The following BRAP variants were observed in gnomAD, a reference collection of about 807,000 sequenced individuals.
The protein encoded by BRAP is BRCA1 associated protein.
Under a neutral mutation model 73.4 loss-of-function variants are expected in BRAP, and 42 were observed. That is an observed-to-expected ratio of 0.57 (90% confidence interval 0.45 to 0.74). BRAP has a LOEUF of 0.74. BRAP is among the 30% of genes least tolerant of loss of function. The pLI is 0.00. For synonymous variants in BRAP, 255 were observed against 267.4 expected, an observed-to-expected ratio of 0.95 and a Z score of 0.45; for missense variants, 593 against 751.4, an observed-to-expected ratio of 0.79 and a Z score of 2.46.
chr12:111,657,818 G>A (rs1449587760), intron 9 of BRAP, among the ~76,000 whole-genome samples: 2 of 152,044 alleles, frequency 1.3e-5, no homozygotes, highest in African/African-American at 2.4e-5. Context: ...GGCAGAGGTT[G>A]CAGTGAGCCA....
rs74847538 is a variant in BRAP at position 111,677,625 on chromosome 12, C to T, written c.633+1526G>A. On this transcript the variant is annotated intron_variant, in intron 4 of 11. Transcript: ENST00000419234. Reference sequence around the variant, plus strand: ...GAGTGATACAGAAGCCATCGATAAACGTTGGATATTATCATCATTATCCTT... The same window carrying T: ...GAGTGATACAGAAGCCATCGATAAATGTTGGATATTATCATCATTATCCTT... Among the ~76,000 whole-genome samples, 968 of 152,232 alleles carry T rather than the reference C, an allele frequency of 6.4e-3. 4 individuals are homozygous for T. The highest frequency in any genetic ancestry group is 8.4e-3 in the Non-Finnish European group (574 of 68,012).
chr12:111,659,143 G>A, intron 8 of BRAP, 64 bp downstream of exon 8: 1 of 1,545,520 alleles, frequency 6.5e-7, no homozygotes, highest in East Asian at 2.3e-5. Flanking sequence ...GGAAAGTGAA[G>A]GCGTTGTGAA....
chr12:111,648,384 C>T (rs1192624376), intron 11 of BRAP, among the ~76,000 whole-genome samples: 1 of 126,416 alleles, frequency 7.9e-6, no homozygotes, highest in African/African-American at 3.0e-5. Flanking sequence ...GAGGCCAAAG[C>T]GGGTGGATCA....
intron 10 of BRAP, among the ~76,000 whole-genome samples, chr12:111,651,476 G>A (rs1329253648): frequency 6.6e-6 from 1 of 151,648 alleles, no homozygotes; most frequent in African/African-American, 2.4e-5. Flanking sequence ...GGTGGAGATT[G>A]CAGTGAGCCA....
intron 8 of BRAP, 34 bp downstream of exon 8, chr12:111,659,173 A>G (rs2135906261): frequency 1.9e-6 from 3 of 1,601,968 alleles, no homozygotes; most frequent in East Asian, 2.2e-5. Context: ...TCCACACAGA[A>G]TGAGTCCAAA....
chr12:111,675,258 C>T (rs1887336462), intron 4 of BRAP, among the ~76,000 whole-genome samples: 1 of 150,994 alleles, frequency 6.6e-6, no homozygotes, highest in Non-Finnish European at 1.5e-5. Flanking sequence ...GAGACCTTGT[C>T]TCCAAAAAAA....
intron 4 of BRAP, among the ~76,000 whole-genome samples, chr12:111,675,639 A>C (rs141012133): frequency 6.6e-6 from 1 of 151,804 alleles, no homozygotes; most frequent in African/African-American, 2.4e-5. Flanking sequence ...TTTTATTGAA[A>C]ATGTTTGCAT....
At chr12:111,657,543 TTAAGG>T (rs1237648727) in intron 9 of BRAP, among the ~76,000 whole-genome samples, 1 of 152,168 alleles carries the variant, frequency 6.6e-6, no homozygotes, top group Non-Finnish European at 1.5e-5. Flanking sequence ...CCTCCTAAGG[TTAAGG>T]TATGTTTCTA....
At chr12:111,683,050 T>C (rs1887664221) in intron 2 of BRAP, 96 bp downstream of exon 2, 34 of 1,356,176 alleles carry the variant, frequency 2.5e-5, no homozygotes, top group Non-Finnish European at 3.5e-5. Context: ...AAAAGTATGC[T>C]AGATGTTGAA....
rs1006600003 is a variant in BRAP at position 111,643,586 on chromosome 12, C to A, written c.*613G>T. On this transcript the variant is annotated 3_prime_UTR_variant, in exon 12 of 12. Coordinates refer to ENST00000419234, the MANE Select transcript of BRAP (RefSeq NM_006768.5). ...GGTTGTTTGTTTTTCCTGGCTGGCC[C>A]CAGAGCAAGAAGAGATGACTGCTGG... The A allele has an allele frequency of 1.3e-5, 2 of 152,166 alleles. No homozygotes were observed. Among genetic ancestry groups the A allele is most frequent in the African/African-American group, 4.8e-5 (2 of 41,414 alleles). 9.4% of individuals were successfully genotyped at this position (152,166 alleles called of 1,614,324 possible). A position where few individuals can be genotyped will look rare whatever the true frequency, so the allele number is the denominator to read the frequency against.
In BRAP at chr12:111,679,228, C is replaced by T; in HGVS notation, c.556G>A (p.Glu186Lys). 3.1e-6 allele frequency: 5 copies of T among 1,610,210 alleles called. No homozygotes were observed. Among genetic ancestry groups the T allele is most frequent in the Non-Finnish European group, 4.2e-6 (5 of 1,177,776 alleles). The change falls in exon 4 of 12, where the codon GAA becomes AAA. Residue 186 changes from glutamate to lysine, a missense_variant. Glu to Lys is a moderately conservative substitution (Grantham distance 56). Around this residue, in one of 4 missense-constraint regions of BRAP, gnomAD observed 304 missense variants for 337.7 expected, o/e 0.90. Coordinates refer to ENST00000419234, the MANE Select transcript of BRAP (RefSeq NM_006768.5). ...DLMKFVAPFN[E>K]VIEQMKIIRD... is the part of the protein sequence containing the mutation. ...ATAATTTTCATTTGTTCAATTACTT[C>T]GTTAAATGGGGCAACAAACTTCATA...
chr12:111,675,125 G>A (rs887198284), intron 4 of BRAP, among the ~76,000 whole-genome samples: 11 of 152,192 alleles, frequency 7.2e-5, no homozygotes, highest in South Asian at 2.1e-4. Flanking sequence ...GCCGGGCATG[G>A]GGGTGGAAGC....
chr12:111,680,710 AAAC>A (rs1307847048), intron 3 of BRAP, among the ~76,000 whole-genome samples: 1 of 151,622 alleles, frequency 6.6e-6, no homozygotes, highest in East Asian at 1.9e-4. Flanking sequence ...ACAAAACAAA[AAAC>A]AAAACAAAAA....
chr12:111,672,301 C>T (rs570265424), intron 5 of BRAP, among the ~76,000 whole-genome samples: 62 of 152,254 alleles, frequency 4.1e-4, no homozygotes, highest in African/African-American at 1.4e-3. Flanking sequence ...TTGATAAACA[C>T]TCAATTTCAA....
intron 11 of BRAP, among the ~76,000 whole-genome samples, chr12:111,645,633 C>T (rs1447951451): frequency 2.6e-5 from 4 of 152,088 alleles, no homozygotes; most frequent in African/African-American, 9.7e-5. Flanking sequence ...CTTGGGAGTG[C>T]CCTATTCTTG....
chr12:111,655,727 T>A, intron 9 of BRAP, 72 bp from the exon 10 acceptor site: 1 of 1,214,748 alleles, frequency 8.2e-7, no homozygotes, highest in Non-Finnish European at 1.2e-6. Flanking sequence ...TTTAAAAATC[T>A]GATATTTAAT....
At chr12:111,676,794 T>C (rs1056269103) in intron 4 of BRAP, among the ~76,000 whole-genome samples, 1 of 152,164 alleles carries the variant, frequency 6.6e-6, no homozygotes, top group African/African-American at 2.4e-5. Context: ...TAGTAAGTGC[T>C]TCAGAGTTGG....
chr12:111,668,952 C>CA (rs910472205), intron 5 of BRAP, among the ~76,000 whole-genome samples: 1 of 151,198 alleles, frequency 6.6e-6, no homozygotes, highest in East Asian at 1.9e-4. Flanking sequence ...TGCGTCTGGC[C>CA]AAAAAAAATT....
chr12:111,651,625 GATTTC>G (rs1886326094), intron 10 of BRAP, among the ~76,000 whole-genome samples: 2 of 148,278 alleles, frequency 1.3e-5, no homozygotes, highest in South Asian at 2.1e-4. Context: ...ATGGAAGAAA[GATTTC>G]TTTTCTTTTT....
Sources: allele counts gnomAD v4.1 joint callset (sites outside exome capture counted in the v4.1 genomes callset), GRCh38; gene constraint gnomAD v4.1.1; regional missense constraint gnomAD v4.1.1; transcripts MANE v1.5; gene names NCBI Gene and HGNC (gene_info 2026-07-23, HGNC 2026-07-21).